Variants in ATXN1 observed in about 807,000 individuals in gnomAD.
ATXN1 encodes the protein ataxin-1.
In ATXN1, 8 loss-of-function variants were observed where a neutral mutation model predicts 56.4. The observed-to-expected ratio is 0.14, with a 90% CI of 0.08 to 0.26. ATXN1 has a LOEUF of 0.26. Ranked by LOEUF, ATXN1 falls within the 10% of genes least tolerant of loss-of-function variation. The pLI is 1.00. For synonymous variants in ATXN1, 514 were observed against 494.6 expected, an observed-to-expected ratio of 1.04 and a Z score of -0.52; for missense variants, 987 against 1,106.5, an observed-to-expected ratio of 0.89 and a Z score of 1.53.
chr6:16,303,219 G>A lies in ATXN1; in HGVS notation c.*3110C>T, dbSNP rs1760155499. On this transcript the variant is annotated 3_prime_UTR_variant, in exon 8 of 8. Transcript: ENST00000436367. This position sits in a 1 kb window ranked among gnomAD's most constrained non-coding sequence, Gnocchi z 4.3. Reference sequence around the variant, plus strand: ...TCCAGGCTACATGGCTCCAGAGTGCGTCTTAGAAATGAATCTGCCTCCTTC... The same window carrying A: ...TCCAGGCTACATGGCTCCAGAGTGCATCTTAGAAATGAATCTGCCTCCTTC... 1.3e-5 allele frequency: 2 copies of A among 152,568 alleles called. No individual in the cohort carries two copies. The highest frequency in any genetic ancestry group is 2.1e-4 in the South Asian group (1 of 4,836). 9.5% of individuals were successfully genotyped at this position (152,568 alleles called of 1,614,324 possible).
chr6:16,347,974 C>T (rs1327177439), intron 6 of ATXN1, among the ~76,000 whole-genome samples: 1 of 152,206 alleles, frequency 6.6e-6, no homozygotes, highest in Non-Finnish European at 1.5e-5. Context: ...AGGTCTGCAG[C>T]TTCATTCCTG....
rs551840838 is a variant in ATXN1 at position 16,628,051 on chromosome 6, A to G, written c.-489+29725T>C. ...ATTTTCTCCTGCAATATTAGCACTA[A>G]TGATTAGAAAATCTTCAATAGCAGC... On this transcript the variant is annotated intron_variant, in intron 3 of 7. Coordinates refer to ENST00000436367, the MANE Select transcript of ATXN1 (RefSeq NM_001128164.2). Among the ~76,000 whole-genome samples, 70 of 152,366 alleles carry G rather than the reference A, an allele frequency of 4.6e-4. No homozygotes were observed. In the South Asian group the frequency reaches 0.012, roughly 25 times the overall value.
At chr6:16,537,594 T>C (rs1761626402) in intron 4 of ATXN1, among the ~76,000 whole-genome samples, 1 of 151,812 alleles carries the variant, frequency 6.6e-6, no homozygotes. Flanking sequence ...TAATCCCTGC[T>C]AGTCGGCAGG....
At chr6:16,411,502 G>C (rs1758800120) in intron 6 of ATXN1, among the ~76,000 whole-genome samples, 2 of 152,026 alleles carry the variant, frequency 1.3e-5, no homozygotes, top group Admixed American at 6.5e-5. Context: ...TATATTAATA[G>C]CAACATTGAT....
intron 3 of ATXN1, among the ~76,000 whole-genome samples, chr6:16,643,436 C>G (rs1351981866): frequency 6.6e-6 from 1 of 151,844 alleles, no homozygotes; most frequent in Non-Finnish European, 1.5e-5. Flanking sequence ...TAAGACAAGC[C>G]TGGGCAACAT....
chr6:16,364,929 T>A (rs1041757122), intron 6 of ATXN1, among the ~76,000 whole-genome samples: 1 of 152,218 alleles, frequency 6.6e-6, no homozygotes, highest in Admixed American at 6.5e-5. Context: ...GAGTGGTGAC[T>A]ACAGCTAAAA....
chr6:16,712,431 G>A (rs889530858), intron 2 of ATXN1, among the ~76,000 whole-genome samples: 2 of 152,092 alleles, frequency 1.3e-5, no homozygotes, highest in Non-Finnish European at 2.9e-5. Flanking sequence ...GAAGAACGGT[G>A]GTCTGCTACA....
At chr6:16,682,640 C>T (rs1405646849) in intron 2 of ATXN1, among the ~76,000 whole-genome samples, 2 of 152,184 alleles carry the variant, frequency 1.3e-5, no homozygotes, top group African/African-American at 2.4e-5. Flanking sequence ...CATTCACATA[C>T]ATTGCCCATG....
At chr6:16,412,141 AT>A (rs1382228652) in intron 6 of ATXN1, among the ~76,000 whole-genome samples, 1 of 152,230 alleles carries the variant, frequency 6.6e-6, no homozygotes, top group Admixed American at 6.5e-5. Context: ...GATTCACTGA[AT>A]TGTGAACTAT....
At chr6:16,333,981 A>T (rs551432046) in intron 6 of ATXN1, among the ~76,000 whole-genome samples, 27 of 152,332 alleles carry the variant, frequency 1.8e-4, no homozygotes, top group African/African-American at 6.3e-4. Flanking sequence ...CTGAACAGGC[A>T]TGCCCCCAAA....
In ATXN1 at chr6:16,703,601, C is replaced by A. The variant is rs566030273; in HGVS notation, c.-614-45700G>T. ...TTGGAGACTAACATCTTAATTTTAA[C>A]AATGACTATACTGGGCTGTGGGGGT... On this transcript the variant is annotated intron_variant, in intron 2 of 7. Transcript: ENST00000436367. Among the ~76,000 whole-genome samples, 9 of 152,308 alleles carry A rather than the reference C, an allele frequency of 5.9e-5. No individual in the cohort carries two copies. The South Asian group carries it at 1.7e-3, about 28-fold the overall frequency.
intron 3 of ATXN1, among the ~76,000 whole-genome samples, chr6:16,629,577 C>T (rs1372823372): frequency 6.6e-6 from 1 of 152,136 alleles, no homozygotes; most frequent in Non-Finnish European, 1.5e-5. Context: ...GATCTGCCCA[C>T]CTTGGCCTTT....
chr6:16,697,059 C>T (rs1264051998), intron 2 of ATXN1, among the ~76,000 whole-genome samples: 1 of 152,196 alleles, frequency 6.6e-6, no homozygotes, highest in Non-Finnish European at 1.5e-5. Flanking sequence ...AACACCACCA[C>T]GTTACAGTGG....
chr6:16,594,495 A>T (rs236931), intron 3 of ATXN1, among the ~76,000 whole-genome samples: 101,601 of 146,630 alleles, frequency 0.69, 34,669 homozygotes, highest in Admixed American at 0.76. Flanking sequence ...TTATTTATTT[A>T]TTTTTTGAGA....
At chr6:16,393,675 C>T (rs984655650) in intron 6 of ATXN1, among the ~76,000 whole-genome samples, 8 of 152,136 alleles carry the variant, frequency 5.3e-5, no homozygotes, top group East Asian at 1.9e-4. Flanking sequence ...AAGTCCTGTT[C>T]GGAAACACAA....
chr6:16,425,524 T>C (rs1182286565), intron 6 of ATXN1, among the ~76,000 whole-genome samples: 1 of 152,254 alleles, frequency 6.6e-6, no homozygotes, highest in Admixed American at 6.5e-5. Context: ...TAATCATTCT[T>C]CAGGTATTAC....
At chr6:16,690,166 C>G (rs1759015803) in intron 2 of ATXN1, among the ~76,000 whole-genome samples, 2 of 151,872 alleles carry the variant, frequency 1.3e-5, no homozygotes, top group African/African-American at 4.8e-5. Context: ...CTCAAGTGAC[C>G]CTTTGGCTGG....
intron 7 of ATXN1, among the ~76,000 whole-genome samples, chr6:16,307,318 CTG>C (rs1561844159): frequency 6.6e-6 from 1 of 152,172 alleles, no homozygotes; most frequent in African/African-American, 2.4e-5. Flanking sequence ...CAGAGTGAGA[CTG>C]TGAGTTCCAA....
chr6:16,582,212 C>A (rs1762542665), intron 4 of ATXN1, among the ~76,000 whole-genome samples: 1 of 152,172 alleles, frequency 6.6e-6, no homozygotes, highest in Admixed American at 6.5e-5. Flanking sequence ...TTCAGATGCA[C>A]CTCTTGCCTC....
Sources: gnomAD v4.1 joint callset for allele counts (sites outside exome capture counted in the v4.1 genomes callset) on GRCh38, gnomAD v4.1.1 for gene constraint, Gnocchi (gnomAD v3.1) non-coding constraint, MANE v1.5 for transcripts, NCBI Gene and HGNC (gene_info 2026-07-23, HGNC 2026-07-21) for gene names.